TDRD3: variants seen among roughly 807,000 people sequenced by gnomAD.
The protein encoded by TDRD3 is tudor domain-containing protein 3.
A neutral mutation model predicts 86.7 loss-of-function variants in TDRD3; 45 were observed. The observed-to-expected ratio is 0.52, with a 90% confidence interval of 0.41 to 0.67. The LOEUF is 0.67. TDRD3 is among the 30% of genes least tolerant of loss of function. TDRD3 has a pLI of 0.00. For synonymous variants in TDRD3, 298 were observed against 301.7 expected (o/e 0.99, Z 0.13); for missense variants, 814 against 889.0 (o/e 0.92, Z 1.07).
chr13:60,520,486 T>A (rs747721436), intron 10 of TDRD3, among the ~76,000 whole-genome samples: 2 of 152,212 alleles, frequency 1.3e-5, no homozygotes, highest in Admixed American at 6.5e-5. Flanking sequence ...TTCTTCTCAT[T>A]AGGGCTCACC....
At chr13:60,412,922 A>G (rs541620121) in intron 1 of TDRD3, among the ~76,000 whole-genome samples, 1 of 152,280 alleles carries the variant, frequency 6.6e-6, no homozygotes, top group African/African-American at 2.4e-5. Flanking sequence ...CTACATATCT[A>G]AGATGCGTAC....
At chr13:60,555,848 C>CTTTTTTTTTTTTTT (rs770710929) in intron 12 of TDRD3, among the ~76,000 whole-genome samples, 1 of 136,138 alleles carries the variant, frequency 7.3e-6, no homozygotes, top group Non-Finnish European at 1.6e-5. Context: ...CAACCTATTT[C>CTTTTTTTTTTTTTT]TTTCTTTTTT....
At chr13:60,498,329 G>C (rs140769649) in intron 8 of TDRD3, among the ~76,000 whole-genome samples, 8 of 152,196 alleles carry the variant, frequency 5.3e-5, no homozygotes, top group African/African-American at 1.9e-4. Context: ...TTTAACTGCA[G>C]TGGGAATAAT....
chr13:60,514,489 T>C (rs1337813947), intron 10 of TDRD3, among the ~76,000 whole-genome samples: 1 of 152,144 alleles, frequency 6.6e-6, no homozygotes, highest in Non-Finnish European at 1.5e-5. Flanking sequence ...AAATTTTTAA[T>C]CTCTCCTAGA....
At chr13:60,463,827 AAGAC>A (rs1294644370) in intron 4 of TDRD3, among the ~76,000 whole-genome samples, 4 of 152,204 alleles carry the variant, frequency 2.6e-5, no homozygotes, top group East Asian at 1.9e-4. Flanking sequence ...TATTATCAAA[AAGAC>A]AGAAGATAAC....
At chr13:60,487,285 T>C (rs1320482039) in intron 7 of TDRD3, among the ~76,000 whole-genome samples, 4 of 152,114 alleles carry the variant, frequency 2.6e-5, no homozygotes, top group Non-Finnish European at 5.9e-5. Flanking sequence ...CACCTGAGCC[T>C]GACCAACCTA....
chr13:60,443,252 G>T (rs1378133295), intron 2 of TDRD3, among the ~76,000 whole-genome samples: 1 of 151,958 alleles, frequency 6.6e-6, no homozygotes, highest in Non-Finnish European at 1.5e-5. Context: ...TATAGGGAAG[G>T]CTGGTGTAAG....
chr13:60,547,285 A>G (rs980941416), intron 12 of TDRD3: 46 of 985,236 alleles, frequency 4.7e-5, no homozygotes, highest in Non-Finnish European at 5.3e-5. Flanking sequence ...TCCTGAAAGG[A>G]TTTGGTGAAA....
chr13:60,521,091 T>C (rs1957276259), intron 10 of TDRD3, among the ~76,000 whole-genome samples: 1 of 152,250 alleles, frequency 6.6e-6, no homozygotes. Flanking sequence ...ATGGCTTTTA[T>C]AAGTTTACTT....
chr13:60,469,173 A>G (rs1956019523), intron 5 of TDRD3, among the ~76,000 whole-genome samples: 1 of 152,210 alleles, frequency 6.6e-6, no homozygotes, highest in South Asian at 2.1e-4. Flanking sequence ...AAAGTAATTC[A>G]GAAGTAGCTT....
At chr13:60,420,128 A>C (rs1239280341) in intron 1 of TDRD3, among the ~76,000 whole-genome samples, 1 of 152,090 alleles carries the variant, frequency 6.6e-6, no homozygotes, top group African/African-American at 2.4e-5. Flanking sequence ...GTGTATAAGA[A>C]GTATGATTTT....
chr13:60,495,759 T>C (rs760501047), intron 8 of TDRD3, among the ~76,000 whole-genome samples: 7 of 152,082 alleles, frequency 4.6e-5, no homozygotes, highest in Non-Finnish European at 7.4e-5. Context: ...TGAGCCACCA[T>C]GCCCGGTGGG....
At chr13:60,424,574 G>A (rs1954751937) in intron 1 of TDRD3, among the ~76,000 whole-genome samples, 1 of 152,086 alleles carries the variant, frequency 6.6e-6, no homozygotes, top group African/African-American at 2.4e-5. Context: ...CTACTCCGAA[G>A]GCTGAGGCAG....
intron 3 of TDRD3, among the ~76,000 whole-genome samples, chr13:60,449,584 C>T (rs146111836): frequency 1.6e-3 from 237 of 152,122 alleles, no homozygotes; most frequent in African/African-American, 5.4e-3. Flanking sequence ...TGATTGAATA[C>T]GAGCAACTTA....
chr13:60,432,432 T>G (rs1024795740), intron 1 of TDRD3, among the ~76,000 whole-genome samples: 7 of 152,166 alleles, frequency 4.6e-5, no homozygotes, highest in Non-Finnish European at 8.8e-5. Flanking sequence ...CCAAGTTATA[T>G]TCATAAACAA....
At chr13:60,500,307 G>A (rs1202596132) in intron 8 of TDRD3, among the ~76,000 whole-genome samples, 4 of 152,110 alleles carry the variant, frequency 2.6e-5, no homozygotes, top group Non-Finnish European at 1.5e-5. Context: ...ATATGTGATT[G>A]GGCTTGAGCA....
chr13:60,483,560 T>C (rs1956362651), intron 5 of TDRD3, among the ~76,000 whole-genome samples: 1 of 152,156 alleles, frequency 6.6e-6, no homozygotes. Context: ...TGTGAATATG[T>C]GTTTTGGTAA....
chr13:60,505,634 A>T (rs1164260350), intron 8 of TDRD3, among the ~76,000 whole-genome samples: 1 of 152,234 alleles, frequency 6.6e-6, no homozygotes, highest in Non-Finnish European at 1.5e-5. Flanking sequence ...AGAAACTTGA[A>T]AAAAGGTTAG....
At chr13:60,506,033 A>G (rs1956929881) in intron 8 of TDRD3, among the ~76,000 whole-genome samples, 1 of 152,166 alleles carries the variant, frequency 6.6e-6, no homozygotes, top group Non-Finnish European at 1.5e-5. Flanking sequence ...TACAGAGAAC[A>G]CCACAAAAAT....
Sources: gnomAD v4.1 joint callset for allele counts (sites outside exome capture counted in the v4.1 genomes callset) on GRCh38, gnomAD v4.1.1 for gene constraint, MANE v1.5 for transcripts, NCBI Gene and HGNC (gene_info 2026-07-23, HGNC 2026-07-21) for gene names.